Variants in DGKI observed in about 807,000 individuals in gnomAD.
DGKI encodes the protein diacylglycerol kinase iota.
A neutral mutation model predicts 147.5 loss-of-function variants in DGKI; 55 were observed. That is an observed-to-expected ratio of 0.37 (90% CI 0.30 to 0.47). DGKI has a LOEUF of 0.47. Among genes scored for constraint, DGKI ranks in the 20% least tolerant of loss-of-function variants. DGKI has a pLI of 1.00. For synonymous variants in DGKI, 469 were observed against 477.1 expected (o/e 0.98, Z 0.22); for missense variants, 1,007 against 1,323.8 (o/e 0.76, Z 3.71).
At chr7:137,731,810 G>A (rs1459158189) in intron 1 of DGKI, among the ~76,000 whole-genome samples, 1 of 152,066 alleles carries the variant, frequency 6.6e-6, no homozygotes, top group Non-Finnish European at 1.5e-5. Context: ...GGAACCTGCT[G>A]AAATTAATCC....
intron 3 of DGKI, among the ~76,000 whole-genome samples, chr7:137,663,979 C>CTGT (rs1822539108): frequency 1.3e-5 from 2 of 152,128 alleles, no homozygotes; most frequent in Non-Finnish European, 2.9e-5. Flanking sequence ...AGACAAAACC[C>CTGT]CCACCGGGAC....
chr7:137,386,361 C>G lies in DGKI; in HGVS notation c.*4859G>C, dbSNP rs911972939. 6.6e-6 allele frequency: 1 copy of G among 152,096 alleles called. No individual in the cohort carries two copies. Among genetic ancestry groups the G allele is most frequent in the Non-Finnish European group, 1.5e-5 (1 of 68,022 alleles). 9.4% of individuals were successfully genotyped at this position (152,096 alleles called of 1,614,324 possible). A position where few individuals can be genotyped will look rare whatever the true frequency, so the allele number is the denominator to read the frequency against. ...CAGGTGCCGTCAAAGAGGCATGTGG[C>G]TTACATTGTTGAATGAGGAAGCAGC... On this transcript the variant is annotated 3_prime_UTR_variant, in exon 33 of 33. Transcript: ENST00000614521.
chr7:137,690,518 C>T (rs1217295135), intron 1 of DGKI, among the ~76,000 whole-genome samples: 14 of 152,166 alleles, frequency 9.2e-5, no homozygotes, highest in Non-Finnish European at 1.5e-5. Context: ...TCCTCCTTAC[C>T]CCTGCAGAGG....
chr7:137,754,074 A>G (rs1166190416), intron 1 of DGKI, among the ~76,000 whole-genome samples: 2 of 151,958 alleles, frequency 1.3e-5, no homozygotes, highest in East Asian at 3.9e-4. Context: ...AGAATCCAAG[A>G]GGGGTCATGG....
intron 13 of DGKI, among the ~76,000 whole-genome samples, chr7:137,586,855 G>T (rs1378034295): frequency 1.3e-5 from 2 of 152,130 alleles, no homozygotes; most frequent in African/African-American, 2.4e-5. Context: ...AAAAGCCGCA[G>T]GCCTGTGTAC....
chr7:137,845,218 T>G (rs1337638931), intron 1 of DGKI, among the ~76,000 whole-genome samples: 2 of 152,184 alleles, frequency 1.3e-5, no homozygotes, highest in Non-Finnish European at 2.9e-5. Context: ...AAGTCAACAC[T>G]TAGACACAGA....
intron 1 of DGKI, among the ~76,000 whole-genome samples, chr7:137,693,688 G>A (rs564075609): frequency 1.2e-4 from 18 of 152,204 alleles, no homozygotes; most frequent in Non-Finnish European, 2.5e-4. Context: ...CTGAGTTAAT[G>A]AATGAACTTG....
rs1288493261 is a variant in DGKI, at chr7:137,388,100, T to G, written c.*3120A>C. The G allele has an allele frequency of 6.6e-6, 1 of 152,154 alleles. No homozygotes were observed. Among genetic ancestry groups the G allele is most frequent in the Non-Finnish European group, 1.5e-5 (1 of 68,032 alleles). The allele number at this position is 152,154 out of a possible 1,614,324, so 9.4% of individuals were successfully genotyped here. On this transcript the variant is annotated 3_prime_UTR_variant, in exon 33 of 33. Coordinates refer to ENST00000614521, the MANE Select transcript of DGKI (RefSeq NM_001321708.2). ...AATTATGTTTCAAAACTTGCACTGG[T>G]TTTTGGTTATCACATCTACAGAGGA... is the stretch of plus-strand genomic sequence containing the variant.
intron 1 of DGKI, among the ~76,000 whole-genome samples, chr7:137,707,875 C>A (rs780011536): frequency 7.0e-4 from 107 of 152,130 alleles, no homozygotes; most frequent in Non-Finnish European, 2.6e-4. Flanking sequence ...CAGTTAATAC[C>A]AGGATGGTAG....
intron 32 of DGKI, 55 bp from the exon 33 acceptor site, chr7:137,391,391 T>G: frequency 1.9e-5 from 23 of 1,229,224 alleles, no homozygotes; most frequent in African/African-American, 3.1e-5. Flanking sequence ...ACACAAGCGC[T>G]AGTCGTGAAA....
intron 1 of DGKI, among the ~76,000 whole-genome samples, chr7:137,765,827 T>G (rs899116108): frequency 6.6e-6 from 1 of 152,086 alleles, no homozygotes; most frequent in Admixed American, 6.6e-5. Flanking sequence ...CACCCAACCT[T>G]CCCACTGGCT....
chr7:137,706,922 T>C (rs908382748), intron 1 of DGKI, among the ~76,000 whole-genome samples: 2 of 152,198 alleles, frequency 1.3e-5, no homozygotes, highest in Non-Finnish European at 2.9e-5. Context: ...TCCTAGGTTA[T>C]TGACCTTCCA....
chr7:137,571,337 AC>A, intron 18 of DGKI, 51 bp from the exon 19 acceptor site: 25 of 1,339,518 alleles, frequency 1.9e-5, no homozygotes, highest in Non-Finnish European at 2.3e-5. Flanking sequence ...CCTTCTCATG[AC>A]TATCATGAGG....
At chr7:137,643,967 A>G (rs946194325) in intron 6 of DGKI, among the ~76,000 whole-genome samples, 2 of 152,168 alleles carry the variant, frequency 1.3e-5, no homozygotes, top group Non-Finnish European at 2.9e-5. Context: ...GACCCAAAAA[A>G]TGGCTATGCC....
intron 3 of DGKI, among the ~76,000 whole-genome samples, chr7:137,670,050 G>A (rs758615176): frequency 3.3e-5 from 5 of 152,090 alleles, no homozygotes; most frequent in East Asian, 1.9e-4. Flanking sequence ...TATATGCTTC[G>A]TTGAGCTTCA....
intron 20 of DGKI, among the ~76,000 whole-genome samples, chr7:137,540,978 CAATAT>C (rs1359434383): frequency 6.6e-6 from 1 of 152,052 alleles, no homozygotes; most frequent in Non-Finnish European, 1.5e-5. Flanking sequence ...TCTATAGACT[CAATAT>C]AATTCCAGTC....
At chr7:137,531,737 C>T (rs770125226) in intron 20 of DGKI, among the ~76,000 whole-genome samples, 4 of 152,094 alleles carry the variant, frequency 2.6e-5, no homozygotes, top group Non-Finnish European at 4.4e-5. Flanking sequence ...TATTTGCAAC[C>T]GATAAATTCA....
At chr7:137,657,908 A>C (rs1822283077) in intron 3 of DGKI, among the ~76,000 whole-genome samples, 2 of 152,232 alleles carry the variant, frequency 1.3e-5, no homozygotes, top group South Asian at 2.1e-4. Flanking sequence ...GTATTTACAC[A>C]TTATCAGCCA....
At chr7:137,755,882 ACT>A (rs1036221573) in intron 1 of DGKI, among the ~76,000 whole-genome samples, 2 of 152,178 alleles carry the variant, frequency 1.3e-5, no homozygotes, top group African/African-American at 2.4e-5. Flanking sequence ...AAACTGCAAA[ACT>A]CTGAAAATTG....
Sources: allele counts gnomAD v4.1 joint callset (sites outside exome capture counted in the v4.1 genomes callset), GRCh38; gene constraint gnomAD v4.1.1; transcripts MANE v1.5; gene names NCBI Gene and HGNC (gene_info 2026-07-23, HGNC 2026-07-21).